SFMBT2: variants seen among roughly 807,000 people sequenced by gnomAD.
SFMBT2 encodes the protein scm-like with four MBT domains protein 2.
In SFMBT2, 38 loss-of-function variants were observed where a neutral mutation model predicts 110.1. That is an observed-to-expected ratio of 0.35 (90% CI 0.27 to 0.45). The LOEUF (loss-of-function observed/expected upper bound fraction) is 0.45. SFMBT2 is among the 20% of genes least tolerant of loss of function. The probability of loss-of-function intolerance (pLI) is 1.00; values close to 1 mark genes in which losing one functional copy is unlikely to be tolerated. For synonymous variants in SFMBT2, 425 were observed against 425.4 expected, an observed-to-expected ratio of 1.00 and a Z score of 0.01; for missense variants, 1,011 against 1,094.9, an observed-to-expected ratio of 0.92 and a Z score of 1.08.
At chr10:7,315,110 A>AG (rs1564435676) in intron 4 of SFMBT2, among the ~76,000 whole-genome samples, 13 of 131,092 alleles carry the variant, frequency 9.9e-5, no homozygotes, top group African/African-American at 3.2e-4. Context: ...GAAAGAAAGA[A>AG]AAAGCAAGCA....
At chr10:7,312,035 C>T (rs368695110) in intron 4 of SFMBT2, among the ~76,000 whole-genome samples, 14 of 152,006 alleles carry the variant, frequency 9.2e-5, no homozygotes, top group African/African-American at 3.4e-4. Flanking sequence ...AATGAGAACG[C>T]TTGGACACAG....
chr10:7,312,695 T>A (rs1367779546), intron 4 of SFMBT2, among the ~76,000 whole-genome samples: 2 of 152,260 alleles, frequency 1.3e-5, no homozygotes, highest in Admixed American at 1.3e-4. Flanking sequence ...GTTTCGTTTA[T>A]AGCTATTAGT....
chr10:7,244,905 C>T (rs548010768), intron 8 of SFMBT2, among the ~76,000 whole-genome samples: 1 of 152,256 alleles, frequency 6.6e-6, no homozygotes, highest in African/African-American at 2.4e-5. Flanking sequence ...GGGGCCTTCC[C>T]AGTGAGGTCA....
intron 1 of SFMBT2, among the ~76,000 whole-genome samples, chr10:7,405,277 G>A (rs141757475): frequency 2.6e-5 from 4 of 152,328 alleles, no homozygotes; most frequent in Non-Finnish European, 5.9e-5. Flanking sequence ...GTGCTATCTG[G>A]AAGAGTCTCT....
intron 7 of SFMBT2, among the ~76,000 whole-genome samples, chr10:7,265,156 CTCCCTCCCTCCT>C (rs1841340513): frequency 6.8e-6 from 1 of 147,120 alleles, no homozygotes; most frequent in Admixed American, 6.8e-5. Context: ...CCCTCCTTCC[CTCCCTCCCTCCT>C]TCCCTCCCTC....
intron 4 of SFMBT2, among the ~76,000 whole-genome samples, chr10:7,358,966 G>A (rs1844618932): frequency 6.6e-6 from 1 of 152,374 alleles, no homozygotes; most frequent in Non-Finnish European, 1.5e-5. Flanking sequence ...AGCAGCAGGG[G>A]AGTCAGAGGC....
chr10:7,407,545 A>C (rs1005734231), intron 1 of SFMBT2, among the ~76,000 whole-genome samples: 1 of 152,020 alleles, frequency 6.6e-6, no homozygotes, highest in African/African-American at 2.4e-5. Context: ...GGGGCCCCGG[A>C]ACCCCAAACC....
intron 4 of SFMBT2, among the ~76,000 whole-genome samples, chr10:7,346,282 T>C (rs1844105937): frequency 6.6e-6 from 1 of 152,246 alleles, no homozygotes; most frequent in African/African-American, 2.4e-5. Context: ...TTGTAGGATC[T>C]TTCTGACCCC....
chr10:7,170,136 G>A lies in SFMBT2; in HGVS notation c.2544+792C>T, dbSNP rs965755653. ...TCACAAACAGAAGACTCTGGAAGGTGGAGAAAGGAGGGCAGACCGGCTAGG... is the reference window on the plus strand; with the variant it reads ...TCACAAACAGAAGACTCTGGAAGGTAGAGAAAGGAGGGCAGACCGGCTAGG... On this transcript the variant is annotated intron_variant, in intron 20 of 20. Coordinates refer to ENST00000397167, the MANE Select transcript of SFMBT2 (RefSeq NM_001387889.1). This position sits in a 1 kb window ranked among gnomAD's most constrained non-coding sequence, Gnocchi z 4.6. 2.0e-5 allele frequency among the ~76,000 whole-genome samples: 3 copies of A among 152,134 alleles called. No homozygotes were observed. The highest frequency in any genetic ancestry group is 7.2e-5 in the African/African-American group (3 of 41,440).
intron 3 of SFMBT2, chr10:7,368,325 C>G: frequency 2.0e-6 from 2 of 985,246 alleles, no homozygotes; most frequent in Non-Finnish European, 2.4e-6. Context: ...CCATGAACAA[C>G]ATGGCCCTAG....
At chr10:7,200,316 G>T in intron 14 of SFMBT2, 98 bp downstream of exon 14, 5 of 936,166 alleles carry the variant, frequency 5.3e-6, no homozygotes, top group Non-Finnish European at 7.6e-6. Context: ...TAGGCTCAAC[G>T]TTGAGATGTA....
chr10:7,215,633 G>A (rs1839510015), intron 11 of SFMBT2: 1 of 985,342 alleles, frequency 1.0e-6, no homozygotes, highest in Non-Finnish European at 1.2e-6. Flanking sequence ...ATCCATGGAG[G>A]CAGGGCCCCG....
chr10:7,253,298 C>A (rs1232657931), intron 7 of SFMBT2, among the ~76,000 whole-genome samples: 1 of 152,176 alleles, frequency 6.6e-6, no homozygotes, highest in East Asian at 1.9e-4. Context: ...GTTTCAGGAA[C>A]CCTAATTTAT....
chr10:7,404,279 C>T (rs1287013982), intron 1 of SFMBT2, among the ~76,000 whole-genome samples: 2 of 152,132 alleles, frequency 1.3e-5, no homozygotes, highest in African/African-American at 4.8e-5. Context: ...TTTGTAGGAA[C>T]CTAGAGTTGG....
intron 4 of SFMBT2, among the ~76,000 whole-genome samples, chr10:7,312,408 A>T (rs1842883558): frequency 2.0e-5 from 3 of 152,224 alleles, no homozygotes; most frequent in Admixed American, 2.0e-4. Flanking sequence ...CATCTTCACA[A>T]GACAGAAGTA....
intron 1 of SFMBT2, among the ~76,000 whole-genome samples, chr10:7,407,562 G>A (rs866383159): frequency 6.6e-6 from 1 of 152,182 alleles, no homozygotes; most frequent in Non-Finnish European, 1.5e-5. Context: ...AACCCGGCTC[G>A]GTTCGGCAAG....
At chr10:7,387,329 G>T (rs951728020) in intron 1 of SFMBT2, among the ~76,000 whole-genome samples, 13 of 152,168 alleles carry the variant, frequency 8.5e-5, no homozygotes, top group African/African-American at 3.1e-4. Flanking sequence ...CAGTTTTCTT[G>T]TGTGTGTATT....
intron 14 of SFMBT2, chr10:7,198,225 C>T (rs932657499): frequency 1.2e-5 from 10 of 835,010 alleles, no homozygotes; most frequent in African/African-American, 7.4e-5. Context: ...TTGGTAAATG[C>T]GGATCTAGAA....
Position 7,177,091 on chromosome 10 carries a change from C to T in SFMBT2, c.1809-926G>A, listed in dbSNP as rs113051048. Among the ~76,000 whole-genome samples the T allele has an allele frequency of 8.9e-3, 1,358 of 152,266 alleles. 25 individuals carry two copies. Among genetic ancestry groups the T allele is most frequent in the African/African-American group, 0.032 (1,312 of 41,548 alleles). On this transcript the variant is annotated intron_variant, in intron 16 of 20. Transcript: ENST00000397167. Reference sequence around the variant, plus strand: ...TGCTCTCCAGTCCCCCCAGCAACCCCCTCCATGGCTTCGGTTGCTTTCTCC... The same window carrying T: ...TGCTCTCCAGTCCCCCCAGCAACCCTCTCCATGGCTTCGGTTGCTTTCTCC...
Sources: gnomAD v4.1 joint callset for allele counts (sites outside exome capture counted in the v4.1 genomes callset) on GRCh38, gnomAD v4.1.1 for gene constraint, Gnocchi (gnomAD v3.1) non-coding constraint, MANE v1.5 for transcripts, NCBI Gene and HGNC (gene_info 2026-07-23, HGNC 2026-07-21) for gene names.